Variants in UBE2M observed in about 807,000 individuals in gnomAD.
UBE2M encodes the protein NEDD8-conjugating enzyme Ubc12.
A neutral mutation model predicts 23.5 loss-of-function variants in UBE2M; 2 were observed. The observed-to-expected ratio is 0.09, with a 90% CI of 0.03 to 0.27. UBE2M has a LOEUF of 0.27. Ranked by LOEUF, UBE2M falls within the 10% of genes least tolerant of loss-of-function variation. UBE2M has a pLI of 1.00. For synonymous variants in UBE2M, 97 were observed against 95.2 expected, an observed-to-expected ratio of 1.02 and a Z score of -0.11; for missense variants, 103 against 232.9, an observed-to-expected ratio of 0.44 and a Z score of 3.63.
chr19:58,557,230 C>A (rs2053897835), intron 1 of UBE2M, 73 bp from the exon 2 acceptor site: 1 of 1,473,942 alleles, frequency 6.8e-7, no homozygotes, highest in African/African-American at 1.4e-5. Context: ...GCCAGCAGGA[C>A]ACTTAGGGCG....
At position 58,556,080 on chromosome 19, in the gene UBE2M, G is replaced by A. The variant is rs767862096; in HGVS notation, c.*9C>T. On this transcript the variant is annotated 3_prime_UTR_variant, in exon 6 of 6. Coordinates refer to ENST00000253023, the MANE Select transcript of UBE2M (RefSeq NM_003969.4). This position sits in a 1 kb window ranked among gnomAD's most constrained non-coding sequence, Gnocchi z 4.9. Reference sequence around the variant, plus strand: ...TTGTGGCCGTGGCGGGGGTGGGTATGCGCCAACCCTATTTCAGGCAGCGCT... The same window carrying A: ...TTGTGGCCGTGGCGGGGGTGGGTATACGCCAACCCTATTTCAGGCAGCGCT... 6.2e-6 allele frequency: 10 copies of A among 1,601,470 alleles called. No individual in the cohort carries two copies. The highest frequency in any genetic ancestry group is 1.3e-5 in the African/African-American group (1 of 74,724).
chr19:58,557,767 T>A, intron 1 of UBE2M, among the ~76,000 whole-genome samples: 1 of 151,776 alleles, frequency 6.6e-6, no homozygotes, highest in South Asian at 2.1e-4. Flanking sequence ...CCTCCACCTG[T>A]CACCCCAAAC....
Position 58,556,322 on chromosome 19 carries a change from G to A in UBE2M, c.405C>T (p.Leu135=), listed in dbSNP as rs1466581362. 1 of 1,614,142 alleles carries A rather than the reference G, an allele frequency of 6.2e-7. No homozygotes were observed. Among genetic ancestry groups the A allele is most frequent in the East Asian group, 2.2e-5 (1 of 44,874 alleles). The change falls in exon 5 of 6, where the codon CTC becomes CTT. Residue 135 remains leucine (L), a synonymous_variant. Coordinates refer to ENST00000253023, the MANE Select transcript of UBE2M (RefSeq NM_003969.4). The surrounding 1 kb of genome is among the most constrained non-coding windows in gnomAD (Gnocchi z 4.9). ...ACCACCTATTCCTACTCACCAAGAA[G>A]AGATACTGCAGGCCATAAATTATGG... is the stretch of plus-strand genomic sequence containing the variant. The part of the protein sequence containing the change: ...INSIIYGLQY[L]FLEPNPEDPL...
In UBE2M at chr19:58,556,268, G is replaced by A. The variant is rs752797403; in HGVS notation, c.412-39C>T. On this transcript the variant is annotated intron_variant, in intron 5 of 5. Coordinates refer to ENST00000253023, the MANE Select transcript of UBE2M (RefSeq NM_003969.4). The surrounding 1 kb of genome is among the most constrained non-coding windows in gnomAD (Gnocchi z 4.9). ...AGGTAGGGGGGGTCAACAGGCCAGA[G>A]GGACAGAAGGCCAATCTCCCCAGAC... 1.9e-6 allele frequency: 3 copies of A among 1,613,942 alleles called. No homozygotes were observed. Among genetic ancestry groups the A allele is most frequent in the Non-Finnish European group, 2.5e-6 (3 of 1,179,926 alleles).
At position 58,556,937 on chromosome 19, in the gene UBE2M, G is replaced by T. The variant is rs756243737; in HGVS notation, c.205-7C>A. 1.2e-6 allele frequency: 2 copies of T among 1,614,064 alleles called. No individual in the cohort carries two copies. ...TCCCACTCTTGTAGAAGCCCTGGGA[G>T]GAAAAGGGGGAGAAGAAAATTTTAG... On this transcript the variant is annotated splice_polypyrimidine_tract_variant and splice_region_variant and intron_variant, in intron 2 of 5. Transcript: ENST00000253023. This position sits in a 1 kb window ranked among gnomAD's most constrained non-coding sequence, Gnocchi z 4.9.
Position 58,556,863 on chromosome 19 carries a change from G to T in UBE2M, c.243+29C>A, listed in dbSNP as rs545539029. Reference sequence around the variant, plus strand: ...CTCAGCTGCTGCCTCCTCTGTCCAGGGAGCCATCCCTGCCCGCCTGGGACT... The same window carrying T: ...CTCAGCTGCTGCCTCCTCTGTCCAGTGAGCCATCCCTGCCCGCCTGGGACT... On this transcript the variant is annotated intron_variant, in intron 3 of 5. Coordinates refer to ENST00000253023, the MANE Select transcript of UBE2M (RefSeq NM_003969.4). This position sits in a 1 kb window ranked among gnomAD's most constrained non-coding sequence, Gnocchi z 4.9. 13 of 1,614,054 alleles carry T rather than the reference G, an allele frequency of 8.1e-6. No individual in the cohort carries two copies. In the African/African-American group the frequency reaches 1.3e-4, roughly 17 times the overall value.
chr19:58,557,091 T>G lies in UBE2M; in HGVS notation c.176A>C (p.Asn59Thr). 1 of 1,614,022 alleles carries G rather than the reference T, an allele frequency of 6.2e-7. No individual in the cohort carries two copies. Among genetic ancestry groups the G allele is most frequent in the East Asian group, 2.2e-5 (1 of 44,868 alleles). ...ISFSDPDDLL[N>T]FKLVICPDEG... ...ATCAGGACAGATGACCAGCTTGAAG[T>G]TGAGGAGGTCGTCTGGATCTGAGAA... Residue 59 changes from asparagine to threonine, a missense_variant, in exon 2 of 6, where the codon AAC (asparagine) becomes ACC (threonine). This residue lies in a region of UBE2M where 57 missense variants were observed against 103.3 expected (regional missense o/e 0.55). Coordinates refer to ENST00000253023, the MANE Select transcript of UBE2M (RefSeq NM_003969.4).
At position 58,555,961 on chromosome 19, in the gene UBE2M, G is replaced by A. The variant is rs558465157; in HGVS notation, c.*128C>T. 3.8e-5 allele frequency: 51 copies of A among 1,329,706 alleles called. 1 individual carries two copies. In the East Asian group the frequency reaches 7.5e-4, roughly 20 times the overall value. 82.4% of individuals were successfully genotyped at this position (1,329,706 alleles called of 1,614,324 possible). A position where few individuals can be genotyped will look rare whatever the true frequency, so the allele number is the denominator to read the frequency against. On this transcript the variant is annotated 3_prime_UTR_variant, in exon 6 of 6. Coordinates refer to ENST00000253023, the MANE Select transcript of UBE2M (RefSeq NM_003969.4). ...ATAACTAGGGGCACGTGGCAGGAAG[G>A]GGAGGCAAGGCCAAGGCAGGGGATT... is the stretch of plus-strand genomic sequence containing the variant.
Position 58,556,746 on chromosome 19 carries a change from C to T in UBE2M, c.288G>A (p.Glu96=), listed in dbSNP as rs1177453301. ...CAATGTTGGGGTGATAGACCATTGT[C>T]TCACACTTCACCTTGGGGGGATCAT... ...YPHDPPKVKC[E]TMVYHPNIDL... Residue 96 remains glutamate (E), a synonymous_variant, in exon 4 of 6, where the codon GAG becomes GAA. Coordinates refer to ENST00000253023, the MANE Select transcript of UBE2M (RefSeq NM_003969.4). This position sits in a 1 kb window ranked among gnomAD's most constrained non-coding sequence, Gnocchi z 4.9. 1.9e-6 allele frequency: 3 copies of T among 1,557,788 alleles called. No homozygotes were observed. The highest frequency in any genetic ancestry group is 1.7e-6 in the Non-Finnish European group (2 of 1,153,806).
At position 58,556,072 on chromosome 19, in the gene UBE2M, G is replaced by A. The variant is rs2053888367; in HGVS notation, c.*17C>T. On this transcript the variant is annotated 3_prime_UTR_variant, in exon 6 of 6. Transcript: ENST00000253023. The surrounding 1 kb of genome is among the most constrained non-coding windows in gnomAD (Gnocchi z 4.9). ...GCCAGGGCTTGTGGCCGTGGCGGGG[G>A]TGGGTATGCGCCAACCCTATTTCAG... The A allele has an allele frequency of 6.3e-7, 1 of 1,592,556 alleles. No homozygotes were observed. Among genetic ancestry groups the A allele is most frequent in the South Asian group, 1.1e-5 (1 of 90,712 alleles).
intron 1 of UBE2M, among the ~76,000 whole-genome samples, chr19:58,557,599 C>G (rs2053900656): frequency 6.6e-6 from 1 of 151,806 alleles, no homozygotes; most frequent in African/African-American, 2.4e-5. Context: ...TTCCTCTTCT[C>G]TGTCTCTCAG....
rs1408876375 is a variant in UBE2M, at chr19:58,556,544, C to T, written c.347+143G>A. ...GCCAAGGAGAAAACCAAGGTCAGGC[C>T]ATGAGGAAGATGACTGGGAAATCAA... On this transcript the variant is annotated intron_variant, in intron 4 of 5. Coordinates refer to ENST00000253023, the MANE Select transcript of UBE2M (RefSeq NM_003969.4). This position sits in a 1 kb window ranked among gnomAD's most constrained non-coding sequence, Gnocchi z 4.9. The T allele has an allele frequency of 9.4e-7, 1 of 1,066,350 alleles. No individual in the cohort carries two copies. Among genetic ancestry groups the T allele is most frequent in the East Asian group, 2.6e-5 (1 of 39,036 alleles). 66.1% of individuals were successfully genotyped at this position (1,066,350 alleles called of 1,614,324 possible). A position where few individuals can be genotyped will look rare whatever the true frequency, so the allele number is the denominator to read the frequency against.
rs775028303 is a variant in UBE2M, at chr19:58,556,071, G to A, written c.*18C>T. ...TGCCAGGGCTTGTGGCCGTGGCGGG[G>A]GTGGGTATGCGCCAACCCTATTTCA... On this transcript the variant is annotated 3_prime_UTR_variant, in exon 6 of 6. Transcript: ENST00000253023. This position sits in a 1 kb window ranked among gnomAD's most constrained non-coding sequence, Gnocchi z 4.9. 1.3e-5 allele frequency: 21 copies of A among 1,592,294 alleles called. No individual in the cohort carries two copies. Among genetic ancestry groups the A allele is most frequent in the Non-Finnish European group, 1.5e-5 (18 of 1,164,624 alleles).
Position 58,555,839 on chromosome 19 carries a change from C to T in UBE2M, c.*250G>A. 1.8e-6 allele frequency: 1 copy of T among 550,968 alleles called. No individual in the cohort carries two copies. Among genetic ancestry groups the T allele is most frequent in the Non-Finnish European group, 3.2e-6 (1 of 309,862 alleles). 34.1% of individuals were successfully genotyped at this position (550,968 alleles called of 1,614,324 possible). A position where few individuals can be genotyped will look rare whatever the true frequency, so the allele number is the denominator to read the frequency against. The stretch of plus-strand genomic sequence containing the variant: ...CCCAGAGTGGGGGCTGAACAAGCAC[C>T]CAGCAGGGGGGCTAGACAAGCCAAT... On this transcript the variant is annotated 3_prime_UTR_variant, in exon 6 of 6. Coordinates refer to ENST00000253023, the MANE Select transcript of UBE2M (RefSeq NM_003969.4).
intron 1 of UBE2M, among the ~76,000 whole-genome samples, chr19:58,557,884 C>T (rs1441535160): frequency 2.0e-5 from 3 of 151,706 alleles, no homozygotes; most frequent in African/African-American, 7.3e-5. Context: ...AAACTAAATC[C>T]TCTTCCACTC....
At chr19:58,557,977 C>G (rs1209477436) in intron 1 of UBE2M, among the ~76,000 whole-genome samples, 4 of 152,092 alleles carry the variant, frequency 2.6e-5, no homozygotes, top group Non-Finnish European at 5.9e-5. Flanking sequence ...CCCCCAGACT[C>G]TCGAGTCGTC....
rs898383721 is a variant in UBE2M at position 58,556,036 on chromosome 19, T to C, written c.*53A>G. The stretch of plus-strand genomic sequence containing the variant: ...CCTACCCATGGCCCCCAATAAATAT[T>C]TGCAGGGGATGCCAGGGCTTGTGGC... On this transcript the variant is annotated 3_prime_UTR_variant, in exon 6 of 6. Coordinates refer to ENST00000253023, the MANE Select transcript of UBE2M (RefSeq NM_003969.4). This position sits in a 1 kb window ranked among gnomAD's most constrained non-coding sequence, Gnocchi z 4.9. The C allele has an allele frequency of 2.5e-6, 4 of 1,580,324 alleles. No individual in the cohort carries two copies. In the South Asian group the frequency reaches 3.3e-5, roughly 13 times the overall value.
chr19:58,558,193 C>T lies in UBE2M; in HGVS notation c.109+80G>A. 7.9e-7 allele frequency: 1 copy of T among 1,260,354 alleles called. No individual in the cohort carries two copies. The highest frequency in any genetic ancestry group is 1.1e-6 in the Non-Finnish European group (1 of 909,490). The allele number at this position is 1,260,354 out of a possible 1,614,324, so 78.1% of individuals were successfully genotyped here. On this transcript the variant is annotated intron_variant, in intron 1 of 5. Coordinates refer to ENST00000253023, the MANE Select transcript of UBE2M (RefSeq NM_003969.4). This position sits in a 1 kb window ranked among gnomAD's most constrained non-coding sequence, Gnocchi z 4.7. ...CTCTGACCCTCAGCAACCGCATTACCCCTTCCTGACTCCCACATCACCCTG... is the reference window on the plus strand; with the variant it reads ...CTCTGACCCTCAGCAACCGCATTACTCCTTCCTGACTCCCACATCACCCTG...
intron 1 of UBE2M, among the ~76,000 whole-genome samples, 191 bp from the exon 2 acceptor site, chr19:58,557,348 G>A (rs935718083): frequency 7.2e-5 from 11 of 151,808 alleles, no homozygotes; most frequent in African/African-American, 2.4e-4. Flanking sequence ...CTTGGCTCTT[G>A]TGGATACACA....
Sources: gnomAD v4.1 joint callset for allele counts (sites outside exome capture counted in the v4.1 genomes callset) on GRCh38, gnomAD v4.1.1 for gene constraint, gnomAD v4.1.1 regional missense constraint, Gnocchi (gnomAD v3.1) non-coding constraint, MANE v1.5 for transcripts, NCBI Gene and HGNC (gene_info 2026-07-23, HGNC 2026-07-21) for gene names.